NT5DC1: variants seen among roughly 807,000 people sequenced by gnomAD.
The protein encoded by NT5DC1 is 5'-nucleotidase domain-containing protein 1.
A neutral mutation model predicts 59.4 loss-of-function variants in NT5DC1; 42 were observed. The observed-to-expected ratio is 0.71, with a 90% CI of 0.55 to 0.92. NT5DC1 has a LOEUF of 0.92. Among genes scored for constraint, NT5DC1 ranks in the 40% least tolerant of loss-of-function variants. NT5DC1 has a pLI of 0.00. For synonymous variants in NT5DC1, 172 were observed against 188.1 expected, an observed-to-expected ratio of 0.91 and a Z score of 0.70; for missense variants, 501 against 537.1, an observed-to-expected ratio of 0.93 and a Z score of 0.66.
At chr6:116,156,105 G>A (rs1327259088) in intron 6 of NT5DC1, among the ~76,000 whole-genome samples, 1 of 152,080 alleles carries the variant, frequency 6.6e-6, no homozygotes, top group Non-Finnish European at 1.5e-5. Flanking sequence ...TTATGTAAAG[G>A]TCAATAATAC....
chr6:116,195,117 T>G (rs534482673), intron 6 of NT5DC1, among the ~76,000 whole-genome samples: 3 of 152,218 alleles, frequency 2.0e-5, no homozygotes, highest in Admixed American at 6.5e-5. Flanking sequence ...TGTCACATTA[T>G]ATTTTATATC....
chr6:116,102,281 G>A (rs1039068594), intron 1 of NT5DC1, among the ~76,000 whole-genome samples: 1 of 152,154 alleles, frequency 6.6e-6, no homozygotes, highest in Non-Finnish European at 1.5e-5. Flanking sequence ...GTGGCTGCCC[G>A]AATTTCTCGT....
chr6:116,139,445 T>G (rs546971504), intron 6 of NT5DC1, among the ~76,000 whole-genome samples: 1 of 152,176 alleles, frequency 6.6e-6, no homozygotes, highest in South Asian at 2.1e-4. Context: ...TATACTTTTT[T>G]TAACTTTCAG....
At chr6:116,109,580 G>T (rs1778833295) in intron 3 of NT5DC1, among the ~76,000 whole-genome samples, 1 of 152,040 alleles carries the variant, frequency 6.6e-6, no homozygotes, top group South Asian at 2.1e-4. Flanking sequence ...CCAAGTCCTG[G>T]CTAACCTTTA....
At chr6:116,174,431 C>T (rs1280945891) in intron 6 of NT5DC1, among the ~76,000 whole-genome samples, 3 of 152,116 alleles carry the variant, frequency 2.0e-5, no homozygotes, top group Admixed American at 6.6e-5. Context: ...AAGGAAAAGA[C>T]GATATGCATG....
Position 116,110,903 on chromosome 6 carries a change from G to A in NT5DC1, c.311G>A (p.Gly104Asp). ...CCAGAGGTGCTGGCAGAGGCATATGGCAAGAAAGAGTGGAAGCACTTCTTG... is the reference window on the plus strand; with the variant it reads ...CCAGAGGTGCTGGCAGAGGCATATGACAAGAAAGAGTGGAAGCACTTCTTG... Reference protein sequence around the residue: ...MTPEVLAEAYGKKEWKHFLSD... With the variant: ...MTPEVLAEAYDKKEWKHFLSD... The change falls in exon 4 of 12, where the codon GGC becomes GAC. Residue 104 changes from glycine (G) to aspartate (D), a missense_variant. Physicochemically the swap from Gly to Asp is moderately conservative, Grantham distance 94. Transcript: ENST00000319550. The A allele has an allele frequency of 6.2e-7, 1 of 1,614,116 alleles. No individual in the cohort carries two copies. Among genetic ancestry groups the A allele is most frequent in the South Asian group, 1.1e-5 (1 of 91,080 alleles).
intron 6 of NT5DC1, among the ~76,000 whole-genome samples, chr6:116,145,111 T>G (rs1310420015): frequency 2.0e-5 from 3 of 152,174 alleles, no homozygotes; most frequent in African/African-American, 7.2e-5. Context: ...GAACTTCTGG[T>G]TTCTGTCTTG....
At chr6:116,187,182 G>A (rs910779291) in intron 6 of NT5DC1, among the ~76,000 whole-genome samples, 37 of 152,036 alleles carry the variant, frequency 2.4e-4, no homozygotes, top group Admixed American at 2.1e-3. Context: ...CTGGTACTGG[G>A]AAGTGTCTGC....
intron 6 of NT5DC1, among the ~76,000 whole-genome samples, chr6:116,208,062 G>A (rs190031224): frequency 8.5e-5 from 13 of 152,058 alleles, no homozygotes; most frequent in African/African-American, 3.1e-4. Context: ...GAGCACTTCA[G>A]TCCTCAGTGT....
intron 6 of NT5DC1, among the ~76,000 whole-genome samples, chr6:116,187,786 A>G (rs951016910): frequency 6.6e-6 from 1 of 152,122 alleles, no homozygotes; most frequent in Non-Finnish European, 1.5e-5. Flanking sequence ...AAATAGCTTC[A>G]TAGCTTAAAG....
chr6:116,179,964 A>T (rs2114471679), intron 6 of NT5DC1, among the ~76,000 whole-genome samples: 1 of 152,054 alleles, frequency 6.6e-6, no homozygotes, highest in East Asian at 1.9e-4. Flanking sequence ...GATAATGTGG[A>T]TAATTTTAGT....
intron 6 of NT5DC1, among the ~76,000 whole-genome samples, chr6:116,161,085 G>A (rs932930799): frequency 3.3e-5 from 5 of 150,846 alleles, no homozygotes; most frequent in Non-Finnish European, 4.4e-5. Flanking sequence ...GTAAACTATC[G>A]TAAGAACAAA....
intron 6 of NT5DC1, among the ~76,000 whole-genome samples, chr6:116,217,816 T>C (rs1781715634): frequency 6.6e-6 from 1 of 152,186 alleles, no homozygotes; most frequent in African/African-American, 2.4e-5. Flanking sequence ...GGATATAATT[T>C]AATAGACAAT....
intron 4 of NT5DC1, among the ~76,000 whole-genome samples, chr6:116,113,513 A>G (rs1194877208): frequency 6.6e-6 from 1 of 152,190 alleles, no homozygotes; most frequent in African/African-American, 2.4e-5. Context: ...GTGGACGTTG[A>G]AGCTTTCATG....
chr6:116,215,765 T>C (rs1377160445), intron 6 of NT5DC1, among the ~76,000 whole-genome samples: 4 of 152,136 alleles, frequency 2.6e-5, no homozygotes, highest in African/African-American at 4.8e-5. Context: ...CTAGGCCAAG[T>C]GCAGACAATA....
intron 6 of NT5DC1, among the ~76,000 whole-genome samples, chr6:116,177,170 T>A (rs972055753): frequency 1.3e-5 from 2 of 152,224 alleles, no homozygotes; most frequent in Admixed American, 1.3e-4. Context: ...CTTTTGTTAC[T>A]TGAGCTTTTC....
At chr6:116,128,664 T>C (rs774970273) in intron 6 of NT5DC1, among the ~76,000 whole-genome samples, 18 of 152,162 alleles carry the variant, frequency 1.2e-4, no homozygotes, top group South Asian at 4.1e-4. Flanking sequence ...ATATATTCTA[T>C]ACCCTTAAAG....
chr6:116,127,515 A>G (rs1004722745), intron 6 of NT5DC1, among the ~76,000 whole-genome samples: 1 of 152,162 alleles, frequency 6.6e-6, no homozygotes, highest in Non-Finnish European at 1.5e-5. Flanking sequence ...TGGAAATTAT[A>G]TATGGAATAG....
intron 6 of NT5DC1, among the ~76,000 whole-genome samples, chr6:116,136,277 T>C (rs1179740330): frequency 6.6e-6 from 1 of 152,190 alleles, no homozygotes; most frequent in Non-Finnish European, 1.5e-5. Context: ...TTTCTTCTTT[T>C]TTAAGGCTGA....
Sources: gnomAD v4.1 joint callset for allele counts (sites outside exome capture counted in the v4.1 genomes callset) on GRCh38, gnomAD v4.1.1 for gene constraint, MANE v1.5 for transcripts, NCBI Gene and HGNC (gene_info 2026-07-23, HGNC 2026-07-21) for gene names.